The following LILRA6 variants were observed in gnomAD, a reference collection of about 807,000 sequenced individuals.
LILRA6 encodes the protein leukocyte immunoglobulin like receptor A6.
A neutral mutation model predicts 53.9 loss-of-function variants in LILRA6; 16 were observed. The ratio of observed to expected loss-of-function variants is 0.30; its 90% CI spans 0.20 to 0.45. The LOEUF (loss-of-function observed/expected upper bound fraction) is 0.45. LILRA6 is among the 20% of genes least tolerant of loss of function. The pLI is 1.00. For missense variants in LILRA6, 306 were observed against 618.6 expected, an observed-to-expected ratio of 0.49 and a Z score of 5.36; for synonymous variants, 135 against 256.4, an observed-to-expected ratio of 0.53 and a Z score of 4.52.
exon 8 of LILRA6, chr19:54,238,898 C>T (rs1221847634): frequency 6.3e-6 from 10 of 1,593,974 alleles, no homozygotes; most frequent in Non-Finnish European, 8.5e-6. Context: ...CTGGGATCAT[C>T]AGATCTGTCC....
At chr19:54,237,144 C>G (rs2078650331), downstream of LILRA6, 1 of 150,922 alleles carries the variant, frequency 6.6e-6, no homozygotes, top group South Asian at 2.1e-4. Context: ...TGGTGGATCA[C>G]CTTAGGTCAG....
At position 54,239,163 on chromosome 19, in the gene LILRA6, C is replaced by A. The variant is rs572802903; in HGVS notation, c.1310-74G>T. On this transcript the variant is annotated intron_variant, in intron 7 of 7. Coordinates refer to ENST00000396365, the Ensembl canonical transcript of LILRA6. ...CACCCAGGACCCCTGGATGCCCAAC[C>A]CAGGGCACCCCCCATCCGCCATTGA... is the stretch of plus-strand genomic sequence containing the variant. The A allele has an allele frequency of 3.6e-5, 57 of 1,597,462 alleles. 1 individual carries two copies. The Admixed American group carries it at 7.6e-4, about 21-fold the overall frequency.
At chr19:54,239,213 C>A (rs553040059) in intron 7 of LILRA6, 124 bp from the exon 8 acceptor site, 177 of 1,558,500 alleles carry the variant, frequency 1.1e-4, no homozygotes, top group Admixed American at 5.7e-4. Context: ...CTGTGCCCGC[C>A]CCATAACTGT....
chr19:54,241,937 G>A lies in LILRA6; in HGVS notation c.356-59C>T, dbSNP rs1472578595. 2.9e-4 allele frequency: 361 copies of A among 1,259,644 alleles called. 57 individuals are homozygous for A. In the African/African-American group the frequency reaches 4.1e-3, roughly 14 times the overall value. 78.0% of individuals were successfully genotyped at this position (1,259,644 alleles called of 1,614,324 possible). A position where few individuals can be genotyped will look rare whatever the true frequency, so the allele number is the denominator to read the frequency against. ...CTCCCACCTCCCACATCATCCCCAG[G>A]GCTGGGCTGTGAGAGGGAGACACCC... On this transcript the variant is annotated intron_variant, in intron 3 of 7. Coordinates refer to ENST00000396365, the Ensembl canonical transcript of LILRA6.
chr19:54,241,619 C>T (rs776654823), exon 4 of LILRA6: 2 of 1,493,512 alleles, frequency 1.3e-6, no homozygotes, highest in Non-Finnish European at 9.1e-7. Flanking sequence ...GGGACCACAC[C>T]CGGGGGGTGT....
chr19:54,239,409 T>C, intron 7 of LILRA6: 1 of 662,058 alleles, frequency 1.5e-6, no homozygotes, highest in Non-Finnish European at 2.4e-6. Flanking sequence ...TCCAGTCTCC[T>C]CATGAAACTA....
rs369456930 is a variant in LILRA6, at chr19:54,242,746, G to C, written c.6C>G (p.Thr2=). The C allele has an allele frequency of 1.3e-3, 1,350 of 1,064,424 alleles. 493 individuals carry two copies. Among genetic ancestry groups the C allele is most frequent in the Non-Finnish European group, 1.7e-3 (1,285 of 776,658 alleles). The allele number at this position is 1,064,424 out of a possible 1,614,324, so 65.9% of individuals were successfully genotyped here. Residue 2 remains threonine, a synonymous_variant, in exon 1 of 8, where the codon ACC becomes ACG. Transcript: ENST00000396365. ...GGCAGAGCAGGGCTGCGAGGGTGGG[G>C]GTCATGGCGTCTCCTCCTGGTGACC...
Position 54,238,640 on chromosome 19 carries a change from G to A in LILRA6, c.*313C>T, listed in dbSNP as rs147142043. 4.4e-3 allele frequency: 1,537 copies of A among 347,402 alleles called. 2 individuals carry two copies. Among genetic ancestry groups the A allele is most frequent in the Non-Finnish European group, 4.8e-3 (931 of 194,490 alleles). The allele number at this position is 347,402 out of a possible 1,614,324, so 21.5% of individuals were successfully genotyped here. A position where few individuals can be genotyped will look rare whatever the true frequency, so the allele number is the denominator to read the frequency against. Reference sequence around the variant, plus strand: ...TGGGAAGGAGGAATCAGATGATATTGTCATGAATTCCTCAAGAGTTAGTGT... The same window carrying A: ...TGGGAAGGAGGAATCAGATGATATTATCATGAATTCCTCAAGAGTTAGTGT... On this transcript the variant is annotated 3_prime_UTR_variant, in exon 8 of 8. Transcript: ENST00000396365.
chr19:54,239,578 G>A, intron 7 of LILRA6: 1 of 1,029,968 alleles, frequency 9.7e-7, no homozygotes, highest in South Asian at 1.6e-5. Flanking sequence ...AGAGAGGACA[G>A]GGTCAGGGCC....
At chr19:54,236,895 G>C (rs527587745), downstream of LILRA6, 2 of 151,060 alleles carry the variant, frequency 1.3e-5, no homozygotes. Flanking sequence ...GCTGGCAAGG[G>C]AGTGTGGAGG....
chr19:54,241,785 T>C (rs1252289612), exon 4 of LILRA6: 1 of 1,374,220 alleles, frequency 7.3e-7, no homozygotes, highest in African/African-American at 1.5e-5. Flanking sequence ...AAAATGGTGA[T>C]ATCCCTTCTG....
intron 5 of LILRA6, 96 bp from the exon 6 acceptor site, chr19:54,240,672 T>G (rs1409229794): frequency 6.4e-7 from 1 of 1,562,244 alleles, no homozygotes; most frequent in East Asian, 2.3e-5. Flanking sequence ...TCTCTGTCTC[T>G]GTTTTCTCTG....
At chr19:54,238,474 T>A (rs73938609), downstream of LILRA6, 3 of 156,808 alleles carry the variant, frequency 1.9e-5, no homozygotes, top group African/African-American at 7.4e-5. Context: ...TTTCATCATG[T>A]GAAATGAATA....
intron 7 of LILRA6, chr19:54,239,519 T>C: frequency 1.4e-6 from 1 of 691,598 alleles, no homozygotes; most frequent in Non-Finnish European, 2.4e-6. Flanking sequence ...TCTTTCCTAG[T>C]GTCCCAGAGC....
At chr19:54,239,621 T>TG in intron 7 of LILRA6, 1 of 1,030,528 alleles carries the variant, frequency 9.7e-7, no homozygotes, top group Non-Finnish European at 1.3e-6. Context: ...AGGGAGTCAC[T>TG]GGCCTGACCC....
chr19:54,239,463 G>A, intron 7 of LILRA6: 1 of 621,224 alleles, frequency 1.6e-6, no homozygotes, highest in Non-Finnish European at 2.7e-6. Context: ...CTGCTCCTGA[G>A]CCATTTCCTC....
At chr19:54,240,476 GTCA>G (rs2147522418) in exon 6 of LILRA6, 2 of 1,565,316 alleles carry the variant, frequency 1.3e-6, no homozygotes, top group Admixed American at 1.7e-5. Context: ...GAAGGAAAGT[GTCA>G]AACTGCCACC....
intron 5 of LILRA6, 56 bp downstream of exon 5, chr19:54,240,775 C>T (rs1286146695): frequency 7.0e-5 from 112 of 1,607,616 alleles, no homozygotes; most frequent in Non-Finnish European, 8.5e-5. Context: ...CCTGGGCTCC[C>T]CCGGCAGGGC....
exon 8 of LILRA6, chr19:54,238,616 G>A (rs1052908866): frequency 3.3e-6 from 1 of 298,626 alleles, no homozygotes; most frequent in Non-Finnish European, 6.1e-6. Context: ...CATACAAGCT[G>A]GGAAGGAGGA....
Sources: gnomAD v4.1 joint callset for allele counts on GRCh38, gnomAD v4.1.1 for gene constraint, MANE v1.5 for transcripts, NCBI Gene and HGNC (gene_info 2026-07-23, HGNC 2026-07-21) for gene names.